KLHDC2: variants seen among roughly 807,000 people sequenced by gnomAD.
KLHDC2 encodes the protein kelch domain-containing protein 2.
In KLHDC2, 38 loss-of-function variants were observed where a neutral mutation model predicts 62.3. The observed-to-expected ratio is 0.61, with a 90% CI of 0.47 to 0.80. KLHDC2 has a LOEUF of 0.80. Among genes scored for constraint, KLHDC2 ranks in the 30% least tolerant of loss-of-function variants. The probability of loss-of-function intolerance (pLI) is 0.00; values close to 1 mark genes in which losing one functional copy is unlikely to be tolerated. For synonymous variants in KLHDC2, 159 were observed against 161.0 expected (o/e 0.99, Z 0.09); for missense variants, 430 against 495.3 (o/e 0.87, Z 1.25).
chr14:49,774,663 A>G lies in KLHDC2; in HGVS notation c.336A>G (p.Arg112=). 1 of 1,591,190 alleles carries G rather than the reference A, an allele frequency of 6.3e-7. No individual in the cohort carries two copies. The highest frequency in any genetic ancestry group is 8.6e-7 in the Non-Finnish European group (1 of 1,158,984). ...VLYLFGGHHS[R]GNTNKFYMLD... ...ACTTGTTTGGAGGACACCATTCAAG[A>G]GGCAATACCAATAAGGTTAGTGTTT... Residue 112 remains arginine (R), a synonymous_variant, in exon 3 of 13, where the codon AGA becomes AGG. Coordinates refer to ENST00000298307, the MANE Select transcript of KLHDC2 (RefSeq NM_014315.3).
rs1358017606 is a variant in KLHDC2 at position 49,784,909 on chromosome 14, T to C, written c.*1956T>C. On this transcript the variant is annotated 3_prime_UTR_variant, in exon 13 of 13. Coordinates refer to ENST00000298307, the MANE Select transcript of KLHDC2 (RefSeq NM_014315.3). ...ACTGTCAGTCTCCACATTCCTTTTC[T>C]GAAGGAGAACTTTACCTTTACGCTG... 29 of 1,606,370 alleles carry C rather than the reference T, an allele frequency of 1.8e-5. No individual in the cohort carries two copies. The highest frequency in any genetic ancestry group is 2.3e-5 in the Non-Finnish European group (27 of 1,173,922).
At position 49,782,925 on chromosome 14, in the gene KLHDC2, T is replaced by G; in HGVS notation, c.1193T>G (p.Phe398Cys). Residue 398 changes from phenylalanine to cysteine, a missense_variant, in exon 13 of 13, where the codon TTT (phenylalanine) becomes TGT (cysteine). Coordinates refer to ENST00000298307, the MANE Select transcript of KLHDC2 (RefSeq NM_014315.3). ...KHLLHSVNQR[F>C]GSNNTSGS Reference sequence around the variant, plus strand: ...TTACTTCACAGTGTTAATCAGAGGTTTGGTAGTAACAACACTTCTGGATCT... The same window carrying G: ...TTACTTCACAGTGTTAATCAGAGGTGTGGTAGTAACAACACTTCTGGATCT... 1 of 1,613,592 alleles carries G rather than the reference T, an allele frequency of 6.2e-7. No homozygotes were observed. The highest frequency in any genetic ancestry group is 8.5e-7 in the Non-Finnish European group (1 of 1,179,742).
chr14:49,784,598 A>T lies in KLHDC2; in HGVS notation c.*1645A>T. 6.3e-6 allele frequency: 9 copies of T among 1,434,162 alleles called. No homozygotes were observed. The highest frequency in any genetic ancestry group is 7.8e-6 in the Non-Finnish European group (8 of 1,024,510). 88.8% of individuals were successfully genotyped at this position (1,434,162 alleles called of 1,614,324 possible). On this transcript the variant is annotated 3_prime_UTR_variant, in exon 13 of 13. Coordinates refer to ENST00000298307, the MANE Select transcript of KLHDC2 (RefSeq NM_014315.3). ...TCTTTGAACTTCCAAAAGGCTATAA[A>T]ATTGGCTCTTCTCAAATATTTTAGA...
chr14:49,781,071 G>C (rs1442185450), intron 10 of KLHDC2, among the ~76,000 whole-genome samples: 1 of 152,152 alleles, frequency 6.6e-6, no homozygotes. Flanking sequence ...CTGCATCTAA[G>C]TTTATTAAAA....
At chr14:49,777,074 G>A (rs1889788887) in intron 3 of KLHDC2, among the ~76,000 whole-genome samples, 1 of 151,958 alleles carries the variant, frequency 6.6e-6, no homozygotes, top group South Asian at 2.1e-4. Context: ...GCCATAAGAA[G>A]GAACAAAATA....
chr14:49,774,669 T>C lies in KLHDC2; in HGVS notation c.342T>C (p.Asn114=), dbSNP rs1889734719. The C allele has an allele frequency of 1.0e-5, 16 of 1,577,408 alleles. No homozygotes were observed. Among genetic ancestry groups the C allele is most frequent in the Non-Finnish European group, 1.3e-5 (15 of 1,146,396 alleles). ...YLFGGHHSRG[N]TNKFYMLDSR... ...TTGGAGGACACCATTCAAGAGGCAATACCAATAAGGTTAGTGTTTCTAAGG... is the reference window on the plus strand; with the variant it reads ...TTGGAGGACACCATTCAAGAGGCAACACCAATAAGGTTAGTGTTTCTAAGG... Residue 114 remains asparagine (N), a synonymous_variant, in exon 3 of 13, where the codon AAT becomes AAC. Coordinates refer to ENST00000298307, the MANE Select transcript of KLHDC2 (RefSeq NM_014315.3).
intron 10 of KLHDC2, chr14:49,782,166 A>C (rs1360628263): frequency 1.9e-6 from 1 of 527,116 alleles, no homozygotes; most frequent in Non-Finnish European, 3.4e-6. Flanking sequence ...GAGAACGACC[A>C]GAGAGAGAAA....
intron 5 of KLHDC2, 73 bp from the exon 6 acceptor site, chr14:49,778,338 T>G: frequency 1.5e-6 from 2 of 1,345,076 alleles, no homozygotes; most frequent in Non-Finnish European, 2.1e-6. Context: ...TGCATTTTTC[T>G]TTGGTAATCA....
Position 49,768,378 on chromosome 14 carries a change from T to G in KLHDC2, c.-91T>G. The G allele has an allele frequency of 2.1e-6, 3 of 1,410,400 alleles. No individual in the cohort carries two copies. Among genetic ancestry groups the G allele is most frequent in the Non-Finnish European group, 9.6e-7 (1 of 1,045,150 alleles). 87.4% of individuals were successfully genotyped at this position (1,410,400 alleles called of 1,614,324 possible). A position where few individuals can be genotyped will look rare whatever the true frequency, so the allele number is the denominator to read the frequency against. On this transcript the variant is annotated 5_prime_UTR_variant, in exon 1 of 13. Coordinates refer to ENST00000298307, the MANE Select transcript of KLHDC2 (RefSeq NM_014315.3). The stretch of plus-strand genomic sequence containing the variant: ...CTTTCGCCACCGCCTTTTCCTTGCC[T>G]CGCGCCGCTGTGCATTTCTCTCCTT...
Position 49,784,677 on chromosome 14 carries a change from T to C in KLHDC2, c.*1724T>C. On this transcript the variant is annotated 3_prime_UTR_variant, in exon 13 of 13. Coordinates refer to ENST00000298307, the MANE Select transcript of KLHDC2 (RefSeq NM_014315.3). ...TTCAGAAGATTGGGTGCAGACACTTTCACTTTGCCAGGAATGTTTCTTGAT... is the reference window on the plus strand; with the variant it reads ...TTCAGAAGATTGGGTGCAGACACTTCCACTTTGCCAGGAATGTTTCTTGAT... 4 of 1,612,796 alleles carry C rather than the reference T, an allele frequency of 2.5e-6. No individual in the cohort carries two copies. The highest frequency in any genetic ancestry group is 1.1e-5 in the South Asian group (1 of 90,784).
In KLHDC2 at chr14:49,778,274, A is replaced by G. The variant is rs769806749; in HGVS notation, c.549+15A>G. ...CATCTTTTTGGGTAAGTGAAGTTTCATATTTGCATATGGCCTCCTTAGTAT... is the reference window on the plus strand; with the variant it reads ...CATCTTTTTGGGTAAGTGAAGTTTCGTATTTGCATATGGCCTCCTTAGTAT... On this transcript the variant is annotated intron_variant, in intron 5 of 12. Coordinates refer to ENST00000298307, the MANE Select transcript of KLHDC2 (RefSeq NM_014315.3). 9 of 1,517,646 alleles carry G rather than the reference A, an allele frequency of 5.9e-6. No individual in the cohort carries two copies. Among genetic ancestry groups the G allele is most frequent in the African/African-American group, 2.7e-5 (2 of 72,762 alleles). 94.0% of individuals were successfully genotyped at this position (1,517,646 alleles called of 1,614,324 possible). A position where few individuals can be genotyped will look rare whatever the true frequency, so the allele number is the denominator to read the frequency against.
At chr14:49,782,161 C>A in intron 10 of KLHDC2, 1 of 518,638 alleles carries the variant, frequency 1.9e-6, no homozygotes, top group Non-Finnish European at 3.4e-6. Context: ...TAAATGAGAA[C>A]GACCAGAGAG....
chr14:49,785,334 A>G lies in KLHDC2; in HGVS notation c.*2381A>G. The G allele has an allele frequency of 1.9e-6, 3 of 1,596,840 alleles. No homozygotes were observed. The highest frequency in any genetic ancestry group is 1.1e-5 in the South Asian group (1 of 90,680). On this transcript the variant is annotated 3_prime_UTR_variant, in exon 13 of 13. Transcript: ENST00000298307. ...AAATAGGTTTTCCTAAAAAGGGAAA[A>G]TAACAGTTACAAAGGCAATTTATAC...
At position 49,769,892 on chromosome 14, in the gene KLHDC2, A is replaced by G. The variant is rs554512092; in HGVS notation, c.153+1271A>G. 3.3e-5 allele frequency among the ~76,000 whole-genome samples: 5 copies of G among 149,436 alleles called. No homozygotes were observed. The East Asian group carries it at 1.0e-3, about 30-fold the overall frequency. On this transcript the variant is annotated intron_variant, in intron 1 of 12. Coordinates refer to ENST00000298307, the MANE Select transcript of KLHDC2 (RefSeq NM_014315.3). ...GGGAGGCGGAGTTTGCAGTGAGCTG[A>G]GACGGCGCCATTGCACTCCAGCCTG...
chr14:49,778,555 G>GGGGGGGT, intron 6 of KLHDC2, 61 bp downstream of exon 6: 1 of 330,182 alleles, frequency 3.0e-6, no homozygotes, highest in Non-Finnish European at 6.3e-6. Context: ...GAGGGGTGGG[G>GGGGGGGT]TAGGGGAGAG....
intron 3 of KLHDC2, among the ~76,000 whole-genome samples, chr14:49,776,384 TA>T (rs1396964341): frequency 6.6e-6 from 1 of 152,074 alleles, no homozygotes; most frequent in African/African-American, 2.4e-5. Context: ...CTCAGAGAAG[TA>T]AAAAATATAT....
At chr14:49,776,505 G>A (rs1455239218) in intron 3 of KLHDC2, among the ~76,000 whole-genome samples, 1 of 152,132 alleles carries the variant, frequency 6.6e-6, no homozygotes, top group African/African-American at 2.4e-5. Context: ...TAAAGATTAA[G>A]TCAATTAACT....
Position 49,783,068 on chromosome 14 carries a change from TA to T in KLHDC2, c.*117del, listed in dbSNP as rs1889987947. 9.0e-7 allele frequency: 1 copy of T among 1,108,428 alleles called. No homozygotes were observed. Among genetic ancestry groups the T allele is most frequent in the Admixed American group, 2.5e-5 (1 of 39,404 alleles). 68.7% of individuals were successfully genotyped at this position (1,108,428 alleles called of 1,614,324 possible). On this transcript the variant is annotated 3_prime_UTR_variant, in exon 13 of 13. Transcript: ENST00000298307. ...TGTTGTAGTTTGCACCTGTTGGTTT[TA>T]ATGTGCATGTGAATGGCCTAGAGAA...
chr14:49,783,096 C>CTAT lies in KLHDC2; in HGVS notation c.*145_*147dup. 1 of 690,494 alleles carries CTAT rather than the reference C, an allele frequency of 1.4e-6. No homozygotes were observed. 42.8% of individuals were successfully genotyped at this position (690,494 alleles called of 1,614,324 possible). ...TGTGCATGTGAATGGCCTAGAGAAC[C>CTAT]TATTTTTGTGTCTAAAGTTTACAAT... On this transcript the variant is annotated 3_prime_UTR_variant, in exon 13 of 13. Coordinates refer to ENST00000298307, the MANE Select transcript of KLHDC2 (RefSeq NM_014315.3).
Sources: gnomAD v4.1 joint callset for allele counts (sites outside exome capture counted in the v4.1 genomes callset) on GRCh38, gnomAD v4.1.1 for gene constraint, MANE v1.5 for transcripts, NCBI Gene and HGNC (gene_info 2026-07-23, HGNC 2026-07-21) for gene names.